The following QSER1 variants were observed in gnomAD, a reference collection of about 807,000 sequenced individuals.
The protein encoded by QSER1 is glutamine and serine-rich protein 1.
A neutral mutation model predicts 158.5 loss-of-function variants in QSER1; 49 were observed. The ratio of observed to expected loss-of-function variants is 0.31; its 90% CI spans 0.25 to 0.39. QSER1 has a LOEUF of 0.39. QSER1 is among the 10% of genes least tolerant of loss of function. The pLI, the probability that QSER1 is intolerant of heterozygous loss-of-function variation, is 1.00. For missense variants in QSER1, 1,754 were observed against 2,010.3 expected (o/e 0.87, Z 2.44); for synonymous variants, 650 against 715.5 (o/e 0.91, Z 1.46).
intron 1 of QSER1, among the ~76,000 whole-genome samples, chr11:32,914,991 C>T (rs756560973): frequency 1.3e-5 from 2 of 152,130 alleles, no homozygotes; most frequent in Non-Finnish European, 2.9e-5. Context: ...CTGATCATGG[C>T]TCACTGTAGC....
intron 1 of QSER1, among the ~76,000 whole-genome samples, chr11:32,915,573 T>C (rs1055005309): frequency 1.1e-4 from 16 of 152,222 alleles, no homozygotes; most frequent in African/African-American, 3.9e-4. Flanking sequence ...GAGTCTATAC[T>C]GGTCCAAACG....
chr11:32,905,506 C>T (rs776323879), intron 1 of QSER1, among the ~76,000 whole-genome samples: 1 of 151,762 alleles, frequency 6.6e-6, no homozygotes, highest in Non-Finnish European at 1.5e-5. Context: ...AAGTGTGAAC[C>T]CTTCGGAAGG....
In QSER1 at chr11:32,928,055, G is replaced by A. The variant is rs578007156; in HGVS notation, c.416G>A (p.Arg139Gln). Reference protein sequence around the residue: ...VMNFLSTAESRTAQAAASGTT... With the variant: ...VMNFLSTAESQTAQAAASGTT... Reference sequence around the variant, plus strand: ...AATTTTCTGTCTACTGCTGAATCCCGAACTGCTCAGGCTGCTGCTTCAGGA... The same window carrying A: ...AATTTTCTGTCTACTGCTGAATCCCAAACTGCTCAGGCTGCTGCTTCAGGA... The change falls in exon 3 of 13, where the codon CGA becomes CAA. Residue 139 changes from arginine (R) to glutamine (Q), a missense_variant. Transcript: ENST00000650167. 10 of 1,613,574 alleles carry A rather than the reference G, an allele frequency of 6.2e-6. No individual in the cohort carries two copies. The highest frequency in any genetic ancestry group is 2.7e-5 in the African/African-American group (2 of 74,946).
Position 32,893,793 on chromosome 11 carries a change from A to G in QSER1, c.209+459A>G, listed in dbSNP as rs1255690963. Reference sequence around the variant, plus strand: ...TGAGGGTTGCGGAGGCGGGAGAGGAAGAGTCGCGGAACCGCGTCCCGGAGA... The same window carrying G: ...TGAGGGTTGCGGAGGCGGGAGAGGAGGAGTCGCGGAACCGCGTCCCGGAGA... On this transcript the variant is annotated intron_variant, in intron 1 of 12. Coordinates refer to ENST00000650167, the MANE Select transcript of QSER1 (RefSeq NM_001076786.3). This position sits in a 1 kb window ranked among gnomAD's most constrained non-coding sequence, Gnocchi z 4.7. Among the ~76,000 whole-genome samples, 2 of 152,070 alleles carry G rather than the reference A, an allele frequency of 1.3e-5. No individual in the cohort carries two copies. The highest frequency in any genetic ancestry group is 2.1e-4 in the South Asian group (1 of 4,824).
chr11:32,946,916 G>C (rs1222756247), intron 4 of QSER1, among the ~76,000 whole-genome samples: 2 of 152,362 alleles, frequency 1.3e-5, no homozygotes, highest in East Asian at 1.9e-4. Flanking sequence ...GCCAGGTGCG[G>C]GATATAATCT....
At chr11:32,912,454 AT>A (rs1359586833) in intron 1 of QSER1, among the ~76,000 whole-genome samples, 2 of 152,160 alleles carry the variant, frequency 1.3e-5, no homozygotes, top group African/African-American at 4.8e-5. Context: ...TATTTATCAG[AT>A]TATCTAAGAT....
chr11:32,892,919 C>T lies in QSER1; in HGVS notation c.-207C>T, dbSNP rs1437685498. 2.1e-5 allele frequency among the ~76,000 whole-genome samples: 3 copies of T among 145,576 alleles called. No individual in the cohort carries two copies. The highest frequency in any genetic ancestry group is 3.0e-5 in the Non-Finnish European group (2 of 66,054). On this transcript the variant is annotated 5_prime_UTR_variant, in exon 1 of 13. Transcript: ENST00000650167. ...CTTCCCTGACGCCCAGCTGGGGCCT[C>T]GCCGCCCGCCGCGGCCCGGGTCTTT...
chr11:32,900,959 C>T (rs1851617579), intron 1 of QSER1, among the ~76,000 whole-genome samples: 1 of 152,196 alleles, frequency 6.6e-6, no homozygotes, highest in Non-Finnish European at 1.5e-5. Context: ...TTTATTACCA[C>T]CCTTTCCCGA....
At chr11:32,969,977 A>G (rs778740976) in intron 10 of QSER1, among the ~76,000 whole-genome samples, 3 of 151,950 alleles carry the variant, frequency 2.0e-5, no homozygotes, top group Non-Finnish European at 4.4e-5. Flanking sequence ...GAGCCACTGC[A>G]CCCGGCCGAG....
rs1852092873 is a variant in QSER1 at position 32,933,763 on chromosome 11, A to G, written c.2505A>G (p.Gln835=). Residue 835 remains glutamine (Q), a synonymous_variant, in exon 4 of 13, where the codon CAA becomes CAG. Coordinates refer to ENST00000650167, the MANE Select transcript of QSER1 (RefSeq NM_001076786.3). ...TAATTAATGCTTCATCTCAGATTCA[A>G]ATTCCAAATCATGCTTTAGGGCATG... is the stretch of plus-strand genomic sequence containing the variant. ...DQIINASSQI[Q]IPNHALGHGH... 1 of 1,613,894 alleles carries G rather than the reference A, an allele frequency of 6.2e-7. No homozygotes were observed. Among genetic ancestry groups the G allele is most frequent in the African/African-American group, 1.3e-5 (1 of 74,932 alleles).
chr11:32,972,649 T>C lies in QSER1; in HGVS notation c.5206-748T>C, dbSNP rs1257618095. On this transcript the variant is annotated intron_variant, in intron 10 of 12. Coordinates refer to ENST00000650167, the MANE Select transcript of QSER1 (RefSeq NM_001076786.3). ...CAAGGTTTTGCCATGTTGGTCAGGC[T>C]GGTCTCGAACTCCTGGCCTCAAGTA... 2.6e-5 allele frequency among the ~76,000 whole-genome samples: 4 copies of C among 152,090 alleles called. No homozygotes were observed. The East Asian group carries it at 7.7e-4, about 29-fold the overall frequency.
chr11:32,945,568 A>G (rs941271093), intron 4 of QSER1, among the ~76,000 whole-genome samples: 2 of 150,940 alleles, frequency 1.3e-5, no homozygotes, highest in African/African-American at 4.9e-5. Context: ...ATTGGCCCCC[A>G]CTCTCTTCTG....
At position 32,966,388 on chromosome 11, in the gene QSER1, T is replaced by C. The variant is rs1852748622; in HGVS notation, c.5058T>C (p.Val1686=). 6.2e-7 allele frequency: 1 copy of C among 1,614,082 alleles called. No individual in the cohort carries two copies. The highest frequency in any genetic ancestry group is 8.5e-7 in the Non-Finnish European group (1 of 1,179,984). ...ETFKSYMELL[V]SIALDPDTMQ... ...TTAAGAGCTACATGGAATTGCTTGT[T>C]AGCATTGCCTTGGACCCTGACACAA... The change falls in exon 9 of 13, where the codon GTT becomes GTC. Residue 1686 remains valine (V), a synonymous_variant. Transcript: ENST00000650167.
intron 12 of QSER1, 125 bp downstream of exon 12, chr11:32,975,468 A>G: frequency 6.6e-7 from 1 of 1,517,536 alleles, no homozygotes; most frequent in Non-Finnish European, 8.8e-7. Flanking sequence ...TTGTCTATGT[A>G]TTCTGTAAAT....
At chr11:32,896,074 C>T (rs1438736035) in intron 1 of QSER1, among the ~76,000 whole-genome samples, 1 of 152,184 alleles carries the variant, frequency 6.6e-6, no homozygotes. Flanking sequence ...GTTTTAGGAA[C>T]TAAATGAATG....
intron 4 of QSER1, among the ~76,000 whole-genome samples, chr11:32,944,172 C>CT (rs1419840925): frequency 6.6e-6 from 1 of 151,648 alleles, no homozygotes; most frequent in Non-Finnish European, 1.5e-5. Flanking sequence ...TTTGTTGATC[C>CT]TTTCAAAAAA....
In QSER1 at chr11:32,933,644, C is replaced by T. The variant is rs768155722; in HGVS notation, c.2386C>T (p.Pro796Ser). ...GAACTCAACTAATTTAATACAGACT[C>T]CACAAATAAGGTTGAATACTAAAGA... ...LKNSTNLIQT[P>S]QIRLNTKDLK... Residue 796 changes from proline (P) to serine (S), a missense_variant, in exon 4 of 13, where the codon CCA (proline) becomes TCA (serine). This residue lies in a region of QSER1 where 1,707 missense variants were observed against 1,919.6 expected (regional missense o/e 0.89). Coordinates refer to ENST00000650167, the MANE Select transcript of QSER1 (RefSeq NM_001076786.3). The T allele has an allele frequency of 2.5e-6, 4 of 1,613,406 alleles. No individual in the cohort carries two copies. The Admixed American group carries it at 5.0e-5, about 20-fold the overall frequency.
chr11:32,932,919 G>A lies in QSER1; in HGVS notation c.1661G>A (p.Ser554Asn). 1 of 1,613,858 alleles carries A rather than the reference G, an allele frequency of 6.2e-7. No individual in the cohort carries two copies. Residue 554 changes from serine to asparagine, a missense_variant, in exon 4 of 13, where the codon AGT becomes AAT. This residue lies in a region of QSER1 where 1,707 missense variants were observed against 1,919.6 expected (regional missense o/e 0.89). Transcript: ENST00000650167. ...CTGTCTTCAGTAAGTCAGTCTCAAA[G>A]TTACTCATCTGGTCACTCTCAGGGT... ...RDLSSVSQSQ[S>N]YSSGHSQGLS...
At chr11:32,953,622 G>A (rs982460473) in intron 4 of QSER1, among the ~76,000 whole-genome samples, 1 of 152,146 alleles carries the variant, frequency 6.6e-6, no homozygotes, top group Admixed American at 6.5e-5. Flanking sequence ...AATTGGCAGC[G>A]GGAGGATAGG....
Sources: gnomAD v4.1 joint callset for allele counts (sites outside exome capture counted in the v4.1 genomes callset) on GRCh38, gnomAD v4.1.1 for gene constraint, gnomAD v4.1.1 regional missense constraint, Gnocchi (gnomAD v3.1) non-coding constraint, MANE v1.5 for transcripts, NCBI Gene and HGNC (gene_info 2026-07-23, HGNC 2026-07-21) for gene names.